TENM3: variants seen among roughly 807,000 people sequenced by gnomAD.
TENM3 encodes teneurin transmembrane protein 3, also known as teneurin-3.
A neutral mutation model predicts 255.1 loss-of-function variants in TENM3; 63 were observed. The observed-to-expected ratio is 0.25, with a 90% confidence interval of 0.20 to 0.30. The LOEUF (loss-of-function observed/expected upper bound fraction) is 0.30, where lower values mean the gene tolerates loss of function less well. Among genes scored for constraint, TENM3 ranks in the 10% least tolerant of loss-of-function variants. The pLI is 1.00. For synonymous variants in TENM3, 1,306 were observed against 1,322.3 expected (o/e 0.99, Z 0.27); for missense variants, 2,929 against 3,461.1 (o/e 0.85, Z 3.86).
chr4:182,381,855 C>T (rs1365506744), intron 3 of TENM3, among the ~76,000 whole-genome samples: 1 of 152,198 alleles, frequency 6.6e-6, no homozygotes, highest in Non-Finnish European at 1.5e-5. Flanking sequence ...GCCACCACAC[C>T]GGGCCTATAG....
the TENM3 span, among the ~76,000 whole-genome samples, chr4:181,893,935 A>G: frequency 5.1e-4 from 77 of 152,308 alleles, no homozygotes; most frequent in East Asian, 0.013. Flanking sequence ...TGCTCATAAA[A>G]CTACCAATAA....
the TENM3 span, among the ~76,000 whole-genome samples, chr4:182,032,070 C>T: frequency 6.6e-6 from 1 of 152,122 alleles, no homozygotes; most frequent in Non-Finnish European, 1.5e-5. Context: ...TTGCCCTAGG[C>T]AGAACTTCCA....
chr4:182,452,508 A>G (rs779111677), intron 3 of TENM3, among the ~76,000 whole-genome samples: 1 of 152,182 alleles, frequency 6.6e-6, no homozygotes, highest in African/African-American at 2.4e-5. Context: ...ATGAAAGGAT[A>G]AGGGCTATTA....
chr4:182,775,301 C>G, intron 24 of TENM3, 148 bp downstream of exon 24: 1 of 738,078 alleles, frequency 1.4e-6, no homozygotes, highest in Non-Finnish European at 2.2e-6. Flanking sequence ...CCACATGGGC[C>G]TGTTCTGGCA....
intron 3 of TENM3, among the ~76,000 whole-genome samples, chr4:182,439,963 G>T (rs947886470): frequency 1.3e-5 from 2 of 152,170 alleles, no homozygotes; most frequent in Admixed American, 6.5e-5. Flanking sequence ...CATCCACCAA[G>T]ATTCCAGCTT....
the TENM3 span, among the ~76,000 whole-genome samples, chr4:181,765,991 T>G: frequency 6.6e-6 from 1 of 152,136 alleles, no homozygotes; most frequent in Admixed American, 6.5e-5. Flanking sequence ...CCTTCTGAAA[T>G]GAGAACAGTG....
chr4:182,592,075 C>T (rs889823308), intron 3 of TENM3, among the ~76,000 whole-genome samples: 3 of 150,446 alleles, frequency 2.0e-5, no homozygotes, highest in Non-Finnish European at 4.4e-5. Flanking sequence ...TGGTAATTTA[C>T]TGTTTTCAGT....
At chr4:182,687,777 T>G (rs1366351996) in intron 11 of TENM3, among the ~76,000 whole-genome samples, 3 of 152,194 alleles carry the variant, frequency 2.0e-5, no homozygotes, top group African/African-American at 7.2e-5. Flanking sequence ...GCTGAAATAT[T>G]TCATTAATTT....
the TENM3 span, among the ~76,000 whole-genome samples, chr4:181,765,640 C>T: frequency 6.6e-6 from 1 of 152,138 alleles, no homozygotes; most frequent in African/African-American, 2.4e-5. Context: ...TCATAATATA[C>T]TGCTAAGCTT....
intron 1 of TENM3, among the ~76,000 whole-genome samples, chr4:182,181,942 A>G (rs1240623503): frequency 6.6e-6 from 1 of 151,450 alleles, no homozygotes; most frequent in Non-Finnish European, 1.5e-5. Context: ...AAAATTCGAT[A>G]GGTAGTATGT....
chr4:182,667,250 G>A (rs910423138), intron 6 of TENM3, among the ~76,000 whole-genome samples: 1 of 152,124 alleles, frequency 6.6e-6, no homozygotes, highest in Admixed American at 6.5e-5. Flanking sequence ...GAGTGCAGTG[G>A]TGTGATCTCG....
intron 12 of TENM3, among the ~76,000 whole-genome samples, chr4:182,712,417 C>CT (rs1474551399): frequency 6.6e-6 from 1 of 150,940 alleles, no homozygotes; most frequent in Non-Finnish European, 1.5e-5. Flanking sequence ...GCAATTCAAC[C>CT]TTTCGTTTTC....
At chr4:182,275,507 T>G (rs982692173) in intron 1 of TENM3, among the ~76,000 whole-genome samples, 3 of 152,214 alleles carry the variant, frequency 2.0e-5, no homozygotes, top group African/African-American at 7.2e-5. Context: ...TGACAAGCAG[T>G]GTTCTAGGCC....
chr4:182,750,325 G>GC, intron 19 of TENM3, among the ~76,000 whole-genome samples: 1 of 152,112 alleles, frequency 6.6e-6, no homozygotes, highest in Non-Finnish European at 1.5e-5. Context: ...AAAGCTGAAG[G>GC]ACATACAAAG....
chr4:181,760,997 C>CACACACACACACAT, the TENM3 span, among the ~76,000 whole-genome samples: 2 of 132,682 alleles, frequency 1.5e-5, no homozygotes, highest in Non-Finnish European at 3.2e-5. Flanking sequence ...CACACACACA[C>CACACACACACACAT]ACACACACAC....
intron 3 of TENM3, among the ~76,000 whole-genome samples, chr4:182,355,417 C>T (rs989281687): frequency 9.9e-5 from 15 of 152,084 alleles, no homozygotes; most frequent in African/African-American, 3.6e-4. Flanking sequence ...GTCATGTTTC[C>T]GTTTTACAGA....
At position 182,743,088 on chromosome 4, in the gene TENM3, G is replaced by A. The variant is rs532880364; in HGVS notation, c.3380-82G>A. ...CAGACCTGACAGGCATTGAATTATA[G>A]TTAAAACAATCATGAACATGTTTGC... On this transcript the variant is annotated intron_variant, in intron 18 of 27. Coordinates refer to ENST00000511685, the MANE Select transcript of TENM3 (RefSeq NM_001080477.4). 9.8e-4 allele frequency: 1,401 copies of A among 1,436,536 alleles called. 25 individuals are homozygous for A. The South Asian group carries it at 0.018, about 19-fold the overall frequency. The allele number at this position is 1,436,536 out of a possible 1,614,324, so 89.0% of individuals were successfully genotyped here.
At chr4:182,523,911 A>G (rs558654021) in intron 3 of TENM3, among the ~76,000 whole-genome samples, 6 of 152,210 alleles carry the variant, frequency 3.9e-5, no homozygotes, top group Non-Finnish European at 8.8e-5. Flanking sequence ...AATATCATAT[A>G]AAGATTCTAT....
intron 3 of TENM3, among the ~76,000 whole-genome samples, chr4:182,374,491 T>C (rs1767046867): frequency 6.6e-6 from 1 of 152,196 alleles, no homozygotes; most frequent in African/African-American, 2.4e-5. Flanking sequence ...GTTATATATT[T>C]TTCATCATGG....
Sources: allele counts gnomAD v4.1 joint callset (sites outside exome capture counted in the v4.1 genomes callset), GRCh38; gene constraint gnomAD v4.1.1; transcripts MANE v1.5; gene names NCBI Gene and HGNC (gene_info 2026-07-23, HGNC 2026-07-21).